The following FLT1 variants were observed in gnomAD, a reference collection of about 807,000 sequenced individuals.
The protein encoded by FLT1 is fms related receptor tyrosine kinase 1.
A neutral mutation model predicts 156.3 loss-of-function variants in FLT1; 49 were observed. The observed-to-expected ratio is 0.31, with a 90% CI of 0.25 to 0.40. The LOEUF (loss-of-function observed/expected upper bound fraction) is 0.40. FLT1 is among the 10% of genes least tolerant of loss of function. The pLI, the probability that FLT1 is intolerant of heterozygous loss-of-function variation, is 1.00. For missense variants in FLT1, 1,322 were observed against 1,637.2 expected (o/e 0.81, Z 3.32); for synonymous variants, 594 against 583.8 (o/e 1.02, Z -0.25).
chr13:28,449,439 A>G (rs1878797444), intron 3 of FLT1, among the ~76,000 whole-genome samples: 1 of 152,190 alleles, frequency 6.6e-6, no homozygotes, highest in African/African-American at 2.4e-5. Context: ...TATCCTGATT[A>G]TCCAAATGAA....
chr13:28,306,352 C>T (rs1289753677), intron 29 of FLT1, among the ~76,000 whole-genome samples: 2 of 152,078 alleles, frequency 1.3e-5, no homozygotes, highest in Non-Finnish European at 2.9e-5. Context: ...GCATCCTCTC[C>T]CACCGCCGGG....
chr13:28,340,410 T>C (rs1005199238), intron 16 of FLT1, among the ~76,000 whole-genome samples: 1 of 152,194 alleles, frequency 6.6e-6, no homozygotes, highest in African/African-American at 2.4e-5. Context: ...AGATCATAGA[T>C]AAGTGGATTT....
intron 1 of FLT1, among the ~76,000 whole-genome samples, chr13:28,477,471 C>T (rs1566053646): frequency 6.6e-6 from 1 of 152,170 alleles, no homozygotes; most frequent in Non-Finnish European, 1.5e-5. Flanking sequence ...GTTTACCATA[C>T]GATGTCATGA....
intron 20 of FLT1, among the ~76,000 whole-genome samples, chr13:28,326,714 C>T (rs565106631): frequency 5.4e-4 from 82 of 151,888 alleles, no homozygotes; most frequent in Non-Finnish European, 9.3e-4. Context: ...TTAGTAGAGA[C>T]GGGTTTTCAC....
intron 10 of FLT1, among the ~76,000 whole-genome samples, chr13:28,423,839 C>T (rs543532246): frequency 1.2e-4 from 18 of 152,280 alleles, no homozygotes; most frequent in Admixed American, 2.0e-4. Flanking sequence ...TACCTGTTGG[C>T]TGAGGATGAG....
At chr13:28,453,869 C>T (rs1416961823) in intron 3 of FLT1, among the ~76,000 whole-genome samples, 5 of 152,132 alleles carry the variant, frequency 3.3e-5, no homozygotes, top group Admixed American at 6.6e-5. Context: ...GTAAGCAGGA[C>T]GAACTCAGTC....
intron 13 of FLT1, chr13:28,389,550 G>T: frequency 1.4e-6 from 2 of 1,431,648 alleles, no homozygotes; most frequent in Non-Finnish European, 1.8e-6. Context: ...GCCTGAATGG[G>T]GGGCCCAGAG....
chr13:28,384,321 C>T (rs7140067), intron 14 of FLT1, among the ~76,000 whole-genome samples: 6,360 of 151,816 alleles, frequency 0.042, 338 homozygotes, highest in African/African-American at 0.13. Flanking sequence ...CCTGTAGTCC[C>T]AACTACTTGC....
intron 12 of FLT1, among the ~76,000 whole-genome samples, chr13:28,390,667 G>A (rs1252469357): frequency 2.0e-5 from 3 of 152,118 alleles, no homozygotes; most frequent in African/African-American, 7.2e-5. Context: ...AAAGTGCTGG[G>A]ATTACAGGCA....
intron 14 of FLT1, among the ~76,000 whole-genome samples, chr13:28,381,535 G>T (rs1473860204): frequency 6.6e-6 from 1 of 152,044 alleles, no homozygotes; most frequent in Non-Finnish European, 1.5e-5. Context: ...CTCCAGCCTG[G>T]GCGACAGAGC....
intron 14 of FLT1, among the ~76,000 whole-genome samples, 162 bp downstream of exon 14, chr13:28,384,723 T>G (rs571196356): frequency 6.6e-6 from 1 of 152,146 alleles, no homozygotes; most frequent in African/African-American, 2.4e-5. Context: ...GCCCAAATAT[T>G]CCTCACTGGA....
intron 26 of FLT1, 119 bp downstream of exon 26, chr13:28,311,874 C>CACACACACA: frequency 9.2e-7 from 1 of 1,089,340 alleles, no homozygotes; most frequent in Non-Finnish European, 1.4e-6. Flanking sequence ...CACACACACA[C>CACACACACA]CCTTTTTTTA....
intron 14 of FLT1, among the ~76,000 whole-genome samples, chr13:28,380,035 C>A (rs1271443696): frequency 2.0e-5 from 3 of 152,284 alleles, no homozygotes; most frequent in Admixed American, 1.3e-4. Context: ...CACTAAAATT[C>A]TCTTGCTATA....
intron 14 of FLT1, among the ~76,000 whole-genome samples, chr13:28,373,406 G>T (rs73453244): frequency 1.3e-5 from 2 of 152,030 alleles, no homozygotes; most frequent in African/African-American, 2.4e-5. Flanking sequence ...ATTTAGAGTC[G>T]TGGACTGAGT....
At chr13:28,482,847 T>A (rs1325999786) in intron 1 of FLT1, among the ~76,000 whole-genome samples, 1 of 152,272 alleles carries the variant, frequency 6.6e-6, no homozygotes, top group Non-Finnish European at 1.5e-5. Context: ...ATTTGCCTTC[T>A]AAGTGACTTT....
At chr13:28,462,586 G>C (rs546482503) in intron 3 of FLT1, among the ~76,000 whole-genome samples, 9 of 152,134 alleles carry the variant, frequency 5.9e-5, no homozygotes, top group Admixed American at 6.5e-5. Context: ...CCACTATTAT[G>C]ATTCAAAAGC....
intron 1 of FLT1, among the ~76,000 whole-genome samples, chr13:28,469,462 G>A (rs1880029524): frequency 6.6e-6 from 1 of 152,194 alleles, no homozygotes; most frequent in Admixed American, 6.5e-5. Flanking sequence ...CTGACTGCAT[G>A]ACCTTGGCAT....
chr13:28,307,259 T>C lies in FLT1; in HGVS notation c.3721-487A>G, dbSNP rs112041259. 4.7e-3 allele frequency among the ~76,000 whole-genome samples: 716 copies of C among 152,288 alleles called. 6 individuals are homozygous for C. The highest frequency in any genetic ancestry group is 0.014 in the African/African-American group (585 of 41,562). On this transcript the variant is annotated intron_variant, in intron 28 of 29. Transcript: ENST00000282397. ...CATGGTCTCCAGCAATTAGACTTCC[T>C]TGTTGGTTTCTTTTGGCAGTGAGTT...
rs373856442 is a variant in FLT1 at position 28,475,879 on chromosome 13, G to T, written c.65-8262C>A. 6.4e-4 allele frequency among the ~76,000 whole-genome samples: 97 copies of T among 152,254 alleles called. 1 individual carries two copies. The East Asian group carries it at 0.015, about 24-fold the overall frequency. ...ATGCTTTGATGAAGAGCATTATAAT[G>T]TCCCATCTCCTCTCACTTCCAGAAT... is the stretch of plus-strand genomic sequence containing the variant. On this transcript the variant is annotated intron_variant, in intron 1 of 29. Coordinates refer to ENST00000282397, the MANE Select transcript of FLT1 (RefSeq NM_002019.4).
Sources: allele counts gnomAD v4.1 joint callset (sites outside exome capture counted in the v4.1 genomes callset), GRCh38; gene constraint gnomAD v4.1.1; transcripts MANE v1.5; gene names NCBI Gene and HGNC (gene_info 2026-07-23, HGNC 2026-07-21).